Variants in GPR160 observed in about 807,000 individuals in gnomAD.
GPR160 encodes the protein G protein-coupled receptor 160.
In GPR160, 2 loss-of-function variants were observed where a neutral mutation model predicts 2.6. The observed-to-expected ratio is 0.77, with a 90% CI of 0.32 to 2.44. The LOEUF is 2.44. Ranked by LOEUF, GPR160 falls within the 30% of genes most tolerant of loss-of-function variation. The pLI, the probability that GPR160 is intolerant of heterozygous loss-of-function variation, is 0.11. For missense variants in GPR160, 351 were observed against 383.6 expected, an observed-to-expected ratio of 0.91 and a Z score of 0.71; for synonymous variants, 130 against 132.2, an observed-to-expected ratio of 0.98 and a Z score of 0.12.
At chr3:170,062,387 A>G in intron 2 of GPR160, 1 of 356,276 alleles carries the variant, frequency 2.8e-6, no homozygotes, top group Non-Finnish European at 5.3e-6. Context: ...GCAATCAAAG[A>G]TCTTTTCCTC....
At chr3:170,042,721 G>T (rs1716510625) in intron 2 of GPR160, among the ~76,000 whole-genome samples, 1 of 150,066 alleles carries the variant, frequency 6.7e-6, no homozygotes, top group Non-Finnish European at 1.5e-5. Flanking sequence ...CAGTGTGGTG[G>T]TGGCTGAGGT....
At chr3:170,065,954 G>T (rs1486865995) in intron 2 of GPR160, among the ~76,000 whole-genome samples, 1 of 151,334 alleles carries the variant, frequency 6.6e-6, no homozygotes, top group East Asian at 1.9e-4. Flanking sequence ...ATGGGGTCTC[G>T]CTATGTTGCC....
At chr3:170,063,014 G>T (rs1313780884) in intron 2 of GPR160, 4 of 202,488 alleles carry the variant, frequency 2.0e-5, no homozygotes, top group Non-Finnish European at 4.0e-5. Context: ...TCGCGCCACC[G>T]CACTCCATCC....
chr3:170,074,106 C>T (rs1440561762), intron 2 of GPR160, among the ~76,000 whole-genome samples: 1 of 151,936 alleles, frequency 6.6e-6, no homozygotes, highest in Non-Finnish European at 1.5e-5. Flanking sequence ...CCAGGATGGG[C>T]TTGAACTCCT....
At chr3:170,047,148 C>A (rs1431396178) in intron 2 of GPR160, among the ~76,000 whole-genome samples, 1 of 152,124 alleles carries the variant, frequency 6.6e-6, no homozygotes, top group Non-Finnish European at 1.5e-5. Flanking sequence ...CAGGTGCAGA[C>A]CCAAAGCTTC....
chr3:170,045,953 T>C (rs1716703090), intron 2 of GPR160, among the ~76,000 whole-genome samples: 1 of 152,204 alleles, frequency 6.6e-6, no homozygotes, highest in Non-Finnish European at 1.5e-5. Context: ...ACCTACATCA[T>C]AGGGCGGTGA....
intron 2 of GPR160, among the ~76,000 whole-genome samples, chr3:170,063,963 CG>C (rs1348646059): frequency 2.0e-5 from 3 of 151,960 alleles, no homozygotes; most frequent in African/African-American, 7.3e-5. Flanking sequence ...CCTTCCCTGC[CG>C]GGCAGAATTT....
chr3:170,050,908 A>ATAAACGAGGTAATGTTGCTG (rs1716931466), intron 2 of GPR160, among the ~76,000 whole-genome samples: 1 of 152,228 alleles, frequency 6.6e-6, no homozygotes, highest in Non-Finnish European at 1.5e-5. Flanking sequence ...TAATGTTGCT[A>ATAAACGAGGTAATGTTGCTG]TAAACGAGGT....
chr3:170,080,535 T>C (rs1245824158), intron 3 of GPR160, among the ~76,000 whole-genome samples: 2 of 152,194 alleles, frequency 1.3e-5, no homozygotes, highest in Non-Finnish European at 2.9e-5. Context: ...CCTTGGTGGC[T>C]GTAGCTGATT....
At chr3:170,074,994 G>T (rs1445436770) in intron 2 of GPR160, among the ~76,000 whole-genome samples, 10 of 152,164 alleles carry the variant, frequency 6.6e-5, no homozygotes. Flanking sequence ...GGGAGGCCAA[G>T]GTGGGCAGAT....
At chr3:170,063,844 A>C (rs1712134060) in intron 2 of GPR160, among the ~76,000 whole-genome samples, 1 of 152,080 alleles carries the variant, frequency 6.6e-6, no homozygotes, top group South Asian at 2.1e-4. Flanking sequence ...CGTGGCCCTG[A>C]GCGCGGGCCG....
At chr3:170,066,142 T>TTTTC (rs1712321864) in intron 2 of GPR160, among the ~76,000 whole-genome samples, 1 of 122,074 alleles carries the variant, frequency 8.2e-6, no homozygotes, top group African/African-American at 3.2e-5. Flanking sequence ...TTTTTTTTTT[T>TTTTC]TTTTTTTTTT....
At chr3:170,070,586 A>G (rs140763072) in intron 2 of GPR160, among the ~76,000 whole-genome samples, 3 of 152,328 alleles carry the variant, frequency 2.0e-5, no homozygotes, top group Non-Finnish European at 2.9e-5. Flanking sequence ...CTATTCTGTC[A>G]CCAGGTGGTA....
chr3:170,081,442 G>C (rs1686433189), intron 3 of GPR160, among the ~76,000 whole-genome samples: 1 of 152,112 alleles, frequency 6.6e-6, no homozygotes, highest in Non-Finnish European at 1.5e-5. Flanking sequence ...AATAGATTTT[G>C]TATTATTGCC....
At chr3:170,050,283 G>A (rs888469631) in intron 2 of GPR160, among the ~76,000 whole-genome samples, 19 of 150,588 alleles carry the variant, frequency 1.3e-4, no homozygotes, top group Admixed American at 6.0e-4. Context: ...CGCTCTTGTT[G>A]CCCAGGCTGG....
At chr3:170,081,203 G>A (rs550716728) in intron 3 of GPR160, among the ~76,000 whole-genome samples, 2 of 152,148 alleles carry the variant, frequency 1.3e-5, no homozygotes, top group East Asian at 3.9e-4. Flanking sequence ...TGGCACAAGG[G>A]GGACTTCATA....
intron 2 of GPR160, chr3:170,049,993 CCT>C (rs1359303649): frequency 6.6e-6 from 1 of 152,110 alleles, no homozygotes; most frequent in African/African-American, 2.4e-5. Flanking sequence ...ATACTTTTTT[CCT>C]CTCACCAGCA....
At chr3:170,050,913 C>T (rs970518215) in intron 2 of GPR160, among the ~76,000 whole-genome samples, 2 of 152,100 alleles carry the variant, frequency 1.3e-5, no homozygotes, top group South Asian at 2.1e-4. Flanking sequence ...TTGCTATAAA[C>T]GAGGTAATGT....
At chr3:170,042,678 T>A (rs200716140) in intron 2 of GPR160, among the ~76,000 whole-genome samples, 36,565 of 142,978 alleles carry the variant, frequency 0.26, 4,986 homozygotes, top group East Asian at 0.48. Flanking sequence ...AAAAAAAAAA[T>A]AAATAAATAA....
Sources: allele counts gnomAD v4.1 joint callset (sites outside exome capture counted in the v4.1 genomes callset), GRCh38; gene constraint gnomAD v4.1.1; transcripts MANE v1.5; gene names NCBI Gene and HGNC (gene_info 2026-07-23, HGNC 2026-07-21).